The following PZP variants were observed in gnomAD, a reference collection of about 807,000 sequenced individuals.
PZP encodes pregnancy zone protein.
A neutral mutation model predicts 179.8 loss-of-function variants in PZP; 150 were observed. The ratio of observed to expected loss-of-function variants is 0.83; its 90% CI spans 0.73 to 0.96. The LOEUF is 0.96. Among genes scored for constraint, PZP ranks in the 40% least tolerant of loss-of-function variants. PZP has a pLI of 0.00. For missense variants in PZP, 1,689 were observed against 1,764.0 expected, an observed-to-expected ratio of 0.96 and a Z score of 0.76; for synonymous variants, 624 against 652.3, an observed-to-expected ratio of 0.96 and a Z score of 0.66.
intron 1 of PZP, among the ~76,000 whole-genome samples, chr12:9,206,430 C>T (rs1944444457): frequency 6.6e-6 from 1 of 151,988 alleles, no homozygotes; most frequent in African/African-American, 2.4e-5. Flanking sequence ...CAAACTTGCC[C>T]AAGATGTCAT....
Position 9,201,034 on chromosome 12 carries a change from T to C in PZP, c.528A>G (p.Gln176=). The C allele has an allele frequency of 6.2e-7, 1 of 1,614,070 alleles. No homozygotes were observed. The highest frequency in any genetic ancestry group is 1.3e-5 in the African/African-American group (1 of 75,042). ...CAGCTTCTAGCTTGAGACTCTGCCA[T>C]TGTGCAATTCGATTTCTTCTTGGGT... ...LENPRRNRIA[Q]WQSLKLEAGI... is the part of the protein sequence containing the mutation. The change falls in exon 6 of 36, where the codon CAA becomes CAG. Residue 176 remains glutamine (Q), a synonymous_variant. Coordinates refer to ENST00000261336, the MANE Select transcript of PZP (RefSeq NM_002864.3).
chr12:9,161,765 C>T (rs1941218518), intron 22 of PZP, among the ~76,000 whole-genome samples: 2 of 152,172 alleles, frequency 1.3e-5, no homozygotes, highest in East Asian at 1.9e-4. Context: ...AATAATGTGG[C>T]GGTTCTGTAT....
At chr12:9,141,178 A>C in the PZP span, among the ~76,000 whole-genome samples, 1 of 152,204 alleles carries the variant, frequency 6.6e-6, no homozygotes, top group African/African-American at 2.4e-5. Flanking sequence ...GATAACGTAC[A>C]CTAAGATATA....
At chr12:9,153,391 T>A (rs1940514099) in intron 29 of PZP, 48 bp from the exon 30 acceptor site, 2 of 1,513,404 alleles carry the variant, frequency 1.3e-6, no homozygotes, top group South Asian at 2.3e-5. Flanking sequence ...ATTTTTGGCA[T>A]CTGGGATTTT....
chr12:9,148,811 G>T (rs1163962102), downstream of PZP: 3 of 614,822 alleles, frequency 4.9e-6, no homozygotes, highest in Non-Finnish European at 8.4e-6. Flanking sequence ...TGTTATTAAT[G>T]TCTGATGAAT....
At chr12:9,155,305 TCTCTC>T (rs1422618362) in intron 28 of PZP, among the ~76,000 whole-genome samples, 1 of 152,222 alleles carries the variant, frequency 6.6e-6, no homozygotes, top group Non-Finnish European at 1.5e-5. Context: ...TCTTTTTTTT[TCTCTC>T]CAACTGAATC....
chr12:9,195,709 C>G (rs1204570116), intron 10 of PZP, among the ~76,000 whole-genome samples: 2 of 150,612 alleles, frequency 1.3e-5, no homozygotes, highest in African/African-American at 4.9e-5. Flanking sequence ...CCCCCTTGGC[C>G]TCCCAAAGTT....
At chr12:9,192,830 C>CACTCT (rs1259951640) in intron 11 of PZP, 91 bp from the exon 12 acceptor site, 5 of 861,938 alleles carry the variant, frequency 5.8e-6, no homozygotes, top group Non-Finnish European at 9.2e-6. Flanking sequence ...CGGTGTCTTC[C>CACTCT]ACTCTAAAAT....
Position 9,196,680 on chromosome 12 carries a change from G to C in PZP, c.873C>G (p.Asn291Lys), listed in dbSNP as rs781560625. 6.2e-7 allele frequency: 1 copy of C among 1,600,410 alleles called. No individual in the cohort carries two copies. The highest frequency in any genetic ancestry group is 1.7e-5 in the Admixed American group (1 of 59,996). The change falls in exon 9 of 36, where the codon AAC becomes AAG. Residue 291 changes from asparagine to lysine, a missense_variant. By Grantham distance (94) the Asn-to-Lys change is moderately conservative (BLOSUM62 0). Transcript: ENST00000261336. ...CTTGTTGGGTGATGCAGCCATTGCTGTTAAGCTGAGAAAAATACCAAAACC... is the reference window on the plus strand; with the variant it reads ...CTTGTTGGGTGATGCAGCCATTGCTCTTAAGCTGAGAAAAATACCAAAACC... ...EVCEEFSQQL[N>K]SNGCITQQVH...
At chr12:9,183,210 A>T (rs1016392363) in intron 13 of PZP, among the ~76,000 whole-genome samples, 5 of 152,192 alleles carry the variant, frequency 3.3e-5, no homozygotes, top group Non-Finnish European at 7.3e-5. Context: ...CTAACACACA[A>T]CATGAAGACT....
chr12:9,168,739 C>T (rs1941768152), intron 17 of PZP, 130 bp downstream of exon 17: 2 of 718,284 alleles, frequency 2.8e-6, no homozygotes, highest in South Asian at 1.9e-5. Flanking sequence ...CAGCAAGAAA[C>T]AATTAATTTG....
chr12:9,169,786 G>C, intron 15 of PZP, 195 bp from the exon 16 acceptor site: 1 of 456,678 alleles, frequency 2.2e-6, no homozygotes, highest in Non-Finnish European at 3.7e-6. Context: ...ACCTACTTGG[G>C]AAAATGCTTC....
intron 15 of PZP, among the ~76,000 whole-genome samples, chr12:9,172,913 A>C (rs1942097343): frequency 6.6e-6 from 1 of 152,238 alleles, no homozygotes; most frequent in South Asian, 2.1e-4. Context: ...TATTAGACAG[A>C]TGATTAAGAC....
At chr12:9,162,364 G>A (rs1021160489) in intron 22 of PZP, 1 of 476,238 alleles carries the variant, frequency 2.1e-6, no homozygotes, top group Non-Finnish European at 3.7e-6. Flanking sequence ...GGCTACGTAT[G>A]AACCAAGAAA....
chr12:9,196,468 A>G, intron 9 of PZP, 29 bp from the exon 10 acceptor site: 2 of 1,581,442 alleles, frequency 1.3e-6, no homozygotes, highest in South Asian at 2.2e-5. Flanking sequence ...CAGTACTTTT[A>G]GAAGTTACTT....
intron 25 of PZP, 32 bp downstream of exon 25, chr12:9,159,906 A>C (rs775381084): frequency 2.4e-5 from 37 of 1,551,762 alleles, no homozygotes; most frequent in Non-Finnish European, 3.2e-5. Context: ...CTGAACTCAT[A>C]GTTGAAACTC....
intron 13 of PZP, among the ~76,000 whole-genome samples, chr12:9,185,876 C>T (rs575661996): frequency 4.6e-4 from 68 of 147,096 alleles, no homozygotes; most frequent in Non-Finnish European, 7.9e-4. Context: ...GGCATGATCT[C>T]GGCTCACTGC....
intron 15 of PZP, among the ~76,000 whole-genome samples, chr12:9,180,567 T>A (rs1282531717): frequency 2.0e-5 from 3 of 152,118 alleles, no homozygotes; most frequent in Non-Finnish European, 4.4e-5. Flanking sequence ...CCCTATTTAA[T>A]AAATGGTGCT....
intron 15 of PZP, among the ~76,000 whole-genome samples, chr12:9,179,830 T>G (rs1388130832): frequency 6.6e-6 from 1 of 152,222 alleles, no homozygotes. Flanking sequence ...TGTAAGACAT[T>G]AATAACTGAG....
Sources: allele counts gnomAD v4.1 joint callset (sites outside exome capture counted in the v4.1 genomes callset), GRCh38; gene constraint gnomAD v4.1.1; transcripts MANE v1.5; gene names NCBI Gene and HGNC (gene_info 2026-07-23, HGNC 2026-07-21).